EXOC2: variants seen among roughly 807,000 people sequenced by gnomAD.
EXOC2 encodes SEC5-like 1.
In EXOC2, 70 loss-of-function variants were observed where a neutral mutation model predicts 131.8. The observed-to-expected ratio is 0.53, with a 90% CI of 0.44 to 0.65. EXOC2 has a LOEUF of 0.65. EXOC2 is among the 30% of genes least tolerant of loss of function. The pLI, the probability that EXOC2 is intolerant of heterozygous loss-of-function variation, is 0.00. For synonymous variants in EXOC2, 411 were observed against 398.4 expected, an observed-to-expected ratio of 1.03 and a Z score of -0.38; for missense variants, 923 against 1,108.6, an observed-to-expected ratio of 0.83 and a Z score of 2.38.
chr6:565,023 G>T, intron 13 of EXOC2, 94 bp from the exon 14 acceptor site: 1 of 907,532 alleles, frequency 1.1e-6, no homozygotes, highest in South Asian at 2.2e-5. Flanking sequence ...CATTAAATAT[G>T]GTTATAACTT....
intron 20 of EXOC2, 112 bp from the exon 21 acceptor site, chr6:554,032 G>T: frequency 2.4e-6 from 2 of 823,222 alleles, no homozygotes; most frequent in Non-Finnish European, 3.8e-6. Flanking sequence ...AACATTTGGT[G>T]AAAGTCACAT....
chr6:544,976 T>C (rs1310891320), intron 22 of EXOC2, among the ~76,000 whole-genome samples: 3 of 151,228 alleles, frequency 2.0e-5, no homozygotes, highest in Non-Finnish European at 4.4e-5. Flanking sequence ...TGAAACCCCG[T>C]CTCTACTAAA....
chr6:653,199 A>G (rs1264152952), intron 1 of EXOC2, among the ~76,000 whole-genome samples: 1 of 152,186 alleles, frequency 6.6e-6, no homozygotes, highest in Non-Finnish European at 1.5e-5. Context: ...TCATAATCCT[A>G]CAACGGCCTC....
rs541537752 is a variant in EXOC2, at chr6:671,860, T to C, written c.-44+21159A>G. The stretch of plus-strand genomic sequence containing the variant: ...TCCTTCAGTATCCTTCAGTATTTTT[T>C]ATATTTTTCTACAGTTTGAATACAA... On this transcript the variant is annotated intron_variant, in intron 1 of 27. Transcript: ENST00000230449. Among the ~76,000 whole-genome samples the C allele has an allele frequency of 4.6e-5, 7 of 152,260 alleles. No individual in the cohort carries two copies. The East Asian group carries it at 9.6e-4, about 21-fold the overall frequency.
rs1181551200 is a variant in EXOC2, at chr6:667,701, C to A, written c.-44+25318G>T. The stretch of plus-strand genomic sequence containing the variant: ...CCCCCCAGGTTCTGAGGCCTTTGGC[C>A]TCAGACTGAGAGATACACTGCGGGC... On this transcript the variant is annotated intron_variant, in intron 1 of 27. Coordinates refer to ENST00000230449, the MANE Select transcript of EXOC2 (RefSeq NM_018303.6). Among the ~76,000 whole-genome samples, 13 of 94,474 alleles carry A rather than the reference C, an allele frequency of 1.4e-4. 6 individuals are homozygous for A. In the East Asian group the frequency reaches 7.5e-3, roughly 55 times the overall value. The allele number at this position is 94,474 out of a possible 152,430, so 62.0% of individuals were successfully genotyped here.
intron 25 of EXOC2, among the ~76,000 whole-genome samples, chr6:492,259 A>T (rs566737333): frequency 2.0e-3 from 303 of 152,352 alleles, no homozygotes; most frequent in Middle Eastern, 3.4e-3. Context: ...ATAAGAGACA[A>T]TAACAAATAA....
chr6:511,124 G>A (rs1418129065), intron 23 of EXOC2, among the ~76,000 whole-genome samples: 1 of 152,230 alleles, frequency 6.6e-6, no homozygotes, highest in Non-Finnish European at 1.5e-5. Flanking sequence ...TGGTCCCTGT[G>A]GCTACACGAG....
At chr6:581,895 T>C (rs756843842) in intron 11 of EXOC2, among the ~76,000 whole-genome samples, 1 of 152,172 alleles carries the variant, frequency 6.6e-6, no homozygotes, top group Non-Finnish European at 1.5e-5. Context: ...ATTTTAAGTA[T>C]GCAGATACAT....
chr6:661,694 T>C (rs771735206), intron 1 of EXOC2, among the ~76,000 whole-genome samples: 22 of 151,932 alleles, frequency 1.4e-4, no homozygotes, highest in Non-Finnish European at 3.1e-4. Flanking sequence ...CTTTAAAGCA[T>C]AAATCACACA....
chr6:685,153 A>ACACAC (rs1394891799), intron 1 of EXOC2, among the ~76,000 whole-genome samples: 4 of 136,724 alleles, frequency 2.9e-5, no homozygotes, highest in African/African-American at 1.1e-4. Flanking sequence ...CACACACACA[A>ACACAC]CCCTCCCAAA....
At chr6:685,397 G>A (rs1764599217) in intron 1 of EXOC2, among the ~76,000 whole-genome samples, 1 of 152,212 alleles carries the variant, frequency 6.6e-6, no homozygotes, top group Non-Finnish European at 1.5e-5. Flanking sequence ...TCTTTCTAGA[G>A]TCAGGCCCAA....
intron 17 of EXOC2, among the ~76,000 whole-genome samples, chr6:559,488 G>C (rs1757588774): frequency 6.6e-6 from 1 of 152,204 alleles, no homozygotes. Flanking sequence ...CCTCTGGCTA[G>C]ACAATGTCTT....
At position 667,860 on chromosome 6, in the gene EXOC2, C is replaced by CCCATCCAT. The variant is rs200385451; in HGVS notation, c.-44+25151_-44+25158dup. 5.2e-3 allele frequency among the ~76,000 whole-genome samples: 588 copies of CCCATCCAT among 114,100 alleles called. 12 individuals carry two copies. In the East Asian group the frequency reaches 0.059, roughly 11 times the overall value. 74.9% of individuals were successfully genotyped at this position (114,100 alleles called of 152,430 possible). A position where few individuals can be genotyped will look rare whatever the true frequency, so the allele number is the denominator to read the frequency against. On this transcript the variant is annotated intron_variant, in intron 1 of 27. Coordinates refer to ENST00000230449, the MANE Select transcript of EXOC2 (RefSeq NM_018303.6). ...AGCCAGTTCCCCTAATAAATCCCCT[C>CCCATCCAT]CCATCCATCCATCCATCCATCCATC...
chr6:691,936 G>C (rs1306757133), intron 1 of EXOC2, among the ~76,000 whole-genome samples: 2 of 152,108 alleles, frequency 1.3e-5, no homozygotes, highest in East Asian at 3.9e-4. Flanking sequence ...TCTGGGAATC[G>C]CCAACTTTTA....
At chr6:508,356 A>G (rs1764676526) in intron 23 of EXOC2, among the ~76,000 whole-genome samples, 1 of 152,192 alleles carries the variant, frequency 6.6e-6, no homozygotes, top group African/African-American at 2.4e-5. Flanking sequence ...GGTGGTGTAC[A>G]TGTTACAGGT....
At chr6:604,351 T>A (rs12111358) in intron 7 of EXOC2, among the ~76,000 whole-genome samples, 2 of 152,128 alleles carry the variant, frequency 1.3e-5, no homozygotes, top group Non-Finnish European at 2.9e-5. Flanking sequence ...CTACCTTCAC[T>A]AGCAGCCACG....
chr6:592,386 AG>A lies in EXOC2; in HGVS notation c.1192+82del, dbSNP rs774478090. 3.2e-4 allele frequency: 379 copies of A among 1,182,028 alleles called. 1 individual carries two copies. Among genetic ancestry groups the A allele is most frequent in the Non-Finnish European group, 4.3e-4 (347 of 807,620 alleles). 73.2% of individuals were successfully genotyped at this position (1,182,028 alleles called of 1,614,324 possible). A position where few individuals can be genotyped will look rare whatever the true frequency, so the allele number is the denominator to read the frequency against. On this transcript the variant is annotated intron_variant, in intron 11 of 27. Transcript: ENST00000230449. Reference sequence around the variant, plus strand: ...GAGATACCAAGTAAATTAGGTAGTCAGTGCCTTCATCATTAAACATTCCCAG... The same window carrying A: ...GAGATACCAAGTAAATTAGGTAGTCATGCCTTCATCATTAAACATTCCCAG...
intron 6 of EXOC2, among the ~76,000 whole-genome samples, chr6:610,773 C>G (rs1036046337): frequency 2.0e-5 from 3 of 152,214 alleles, no homozygotes; most frequent in African/African-American, 4.8e-5. Context: ...TATCTCTCTG[C>G]TCCTTTTAGT....
Position 555,275 on chromosome 6 carries a change from C to G in EXOC2, c.2006G>C (p.Cys669Ser). 6.5e-7 allele frequency: 1 copy of G among 1,527,520 alleles called. No individual in the cohort carries two copies. Among genetic ancestry groups the G allele is most frequent in the Non-Finnish European group, 8.9e-7 (1 of 1,124,384 alleles). The allele number at this position is 1,527,520 out of a possible 1,614,324, so 94.6% of individuals were successfully genotyped here. Residue 669 changes from cysteine (C) to serine (S), a missense_variant, in exon 20 of 28, where the codon TGT becomes TCT. Physicochemically the swap from Cys to Ser is moderately radical, Grantham distance 112 (BLOSUM62 -1). Coordinates refer to ENST00000230449, the MANE Select transcript of EXOC2 (RefSeq NM_018303.6). ...AGGCTTGGTGCTCAACTGTTCCAGA[C>G]AGTATATAAAAACCTAAGTGAAAAC... ...SINIMQVFIYCLEQLSTKPDA... is the reference protein window; with the variant it reads ...SINIMQVFIYSLEQLSTKPDA...
Sources: allele counts gnomAD v4.1 joint callset (sites outside exome capture counted in the v4.1 genomes callset), GRCh38; gene constraint gnomAD v4.1.1; transcripts MANE v1.5; gene names NCBI Gene and HGNC (gene_info 2026-07-23, HGNC 2026-07-21).